The following MVK variants were observed in gnomAD, a reference collection of about 807,000 sequenced individuals.
MVK encodes mevalonate kinase.
A neutral mutation model predicts 43.2 loss-of-function variants in MVK; 34 were observed. That is an observed-to-expected ratio of 0.79 (90% CI 0.60 to 1.05). The LOEUF is 1.05. Among genes scored for constraint, MVK ranks in the 50% least tolerant of loss-of-function variants. MVK has a pLI of 0.00. For synonymous variants in MVK, 190 were observed against 219.8 expected (o/e 0.86, Z 1.20); for missense variants, 395 against 504.0 (o/e 0.78, Z 2.07).
intron 8 of MVK, among the ~76,000 whole-genome samples, 157 bp downstream of exon 8, chr12:109,591,018 C>T (rs867636785): frequency 6.6e-6 from 1 of 152,132 alleles, no homozygotes; most frequent in Admixed American, 6.5e-5. Flanking sequence ...AGGTACCGTC[C>T]GTGCCCGTAG....
intron 7 of MVK, 61 bp from the exon 8 acceptor site, chr12:109,590,710 G>C: frequency 1.3e-6 from 2 of 1,527,628 alleles, no homozygotes; most frequent in Non-Finnish European, 1.8e-6. Context: ...ACTGCTCCCA[G>C]TCCTGTCCCA....
At chr12:109,573,664 GA>G, upstream of MVK, 2 of 730,190 alleles carry the variant, frequency 2.7e-6, no homozygotes, top group Non-Finnish European at 4.7e-6. Flanking sequence ...AGCGGGGCGG[GA>G]AAACCCGTGT....
At chr12:109,596,387 G>A (rs758743124) in intron 10 of MVK, 39 bp from the exon 11 acceptor site, 27 of 1,604,612 alleles carry the variant, frequency 1.7e-5, no homozygotes, top group African/African-American at 4.0e-5. Flanking sequence ...CCCACGGAGC[G>A]GAGAGTTGTC....
chr12:109,591,801 C>T (rs1314190737), intron 9 of MVK, among the ~76,000 whole-genome samples: 2 of 152,234 alleles, frequency 1.3e-5, no homozygotes, highest in African/African-American at 4.8e-5. Context: ...CAGATCCTAA[C>T]ATTGTTTTTT....
rs1885936427 is a variant in MVK at position 109,596,776 on chromosome 12, C to T, written c.*199C>T. On this transcript the variant is annotated 3_prime_UTR_variant, in exon 11 of 11. Coordinates refer to ENST00000228510, the MANE Select transcript of MVK (RefSeq NM_000431.4). ...AGGCATGGTCTGCCCTCTGCATCCT[C>T]TGGAGCCAGCCGAGCAGGAGGCCTA... is the stretch of plus-strand genomic sequence containing the variant. 3.9e-6 allele frequency: 3 copies of T among 766,164 alleles called. No individual in the cohort carries two copies. The Admixed American group carries it at 7.3e-5, about 19-fold the overall frequency. The allele number at this position is 766,164 out of a possible 1,614,324, so 47.5% of individuals were successfully genotyped here.
chr12:109,579,157 TGAG>T, intron 3 of MVK: 2 of 396,404 alleles, frequency 5.0e-6, no homozygotes, highest in South Asian at 3.8e-5. Flanking sequence ...TTTTTTTTTT[TGAG>T]ACAGGGTCTC....
Position 109,595,304 on chromosome 12 carries a change from G to C in MVK, c.1039+123G>C, listed in dbSNP as rs1593031702. The C allele has an allele frequency of 7.8e-7, 1 of 1,276,844 alleles. No individual in the cohort carries two copies. The highest frequency in any genetic ancestry group is 2.4e-5 in the East Asian group (1 of 41,050). The allele number at this position is 1,276,844 out of a possible 1,614,324, so 79.1% of individuals were successfully genotyped here. A position where few individuals can be genotyped will look rare whatever the true frequency, so the allele number is the denominator to read the frequency against. ...GTCTCAGCTCCGCTGTGTGGCCTTG[G>C]GCAAGTTAGTTAACCTCTGGTCTTT... is the stretch of plus-strand genomic sequence containing the variant. On this transcript the variant is annotated intron_variant, in intron 10 of 10. Coordinates refer to ENST00000228510, the MANE Select transcript of MVK (RefSeq NM_000431.4). This position sits in a 1 kb window ranked among gnomAD's most constrained non-coding sequence, Gnocchi z 5.9.
intron 3 of MVK, among the ~76,000 whole-genome samples, chr12:109,576,367 G>T (rs1884956710): frequency 6.6e-6 from 1 of 151,904 alleles, no homozygotes; most frequent in African/African-American, 2.4e-5. Flanking sequence ...GATCATCAAG[G>T]CCTATTGTTG....
At chr12:109,585,299 C>T (rs568465747) in intron 5 of MVK, among the ~76,000 whole-genome samples, 243 of 152,278 alleles carry the variant, frequency 1.6e-3, no homozygotes, top group African/African-American at 5.6e-3. Flanking sequence ...TAAAGGCAGG[C>T]TTGGTTCAGG....
chr12:109,594,845 G>A (rs758633345), intron 9 of MVK, among the ~76,000 whole-genome samples, 183 bp from the exon 10 acceptor site: 32 of 152,232 alleles, frequency 2.1e-4, no homozygotes, highest in Non-Finnish European at 3.1e-4. Context: ...CCCAAGCTCC[G>A]TGAGAAATGC....
chr12:109,597,816 G>C lies in MVK; in HGVS notation c.*1239G>C, dbSNP rs746500717. On this transcript the variant is annotated 3_prime_UTR_variant, in exon 11 of 11. Transcript: ENST00000228510. ...AAAGAGGCCGAGTGGAAAGGTGGGG[G>C]CCGGCGCAGGGATTTCAGGATGAGG... The C allele has an allele frequency of 2.0e-5, 3 of 152,264 alleles. No individual in the cohort carries two copies. Among genetic ancestry groups the C allele is most frequent in the Non-Finnish European group, 1.5e-5 (1 of 68,078 alleles). The allele number at this position is 152,264 out of a possible 1,614,324, so 9.4% of individuals were successfully genotyped here. A position where few individuals can be genotyped will look rare whatever the true frequency, so the allele number is the denominator to read the frequency against.
At position 109,591,221 on chromosome 12, in the gene MVK, T is replaced by G; in HGVS notation, c.769-20T>G. 5 of 1,608,208 alleles carry G rather than the reference T, an allele frequency of 3.1e-6. No individual in the cohort carries two copies. Among genetic ancestry groups the G allele is most frequent in the Non-Finnish European group, 3.4e-6 (4 of 1,174,736 alleles). ...GCCTGCCCCCAGGCCTCACCAGCCG[T>G]TCCTTCTTTTTTTCTCCAGTTCCCA... On this transcript the variant is annotated intron_variant, in intron 8 of 10. Transcript: ENST00000228510.
rs774650183 is a variant in MVK at position 109,581,381 on chromosome 12, C to T, written c.372-14C>T. On this transcript the variant is annotated splice_polypyrimidine_tract_variant and intron_variant, in intron 4 of 10. Coordinates refer to ENST00000228510, the MANE Select transcript of MVK (RefSeq NM_000431.4). The stretch of plus-strand genomic sequence containing the variant: ...CTGCGGGAGAGTCACGTTTCACACC[C>T]TGGTGTGTTTCAGGGCCCTGCCGAG... 3 of 1,613,372 alleles carry T rather than the reference C, an allele frequency of 1.9e-6. No individual in the cohort carries two copies. Among genetic ancestry groups the T allele is most frequent in the Non-Finnish European group, 2.5e-6 (3 of 1,179,984 alleles).
chr12:109,580,780 C>T (rs892004091), intron 4 of MVK, among the ~76,000 whole-genome samples: 2 of 152,188 alleles, frequency 1.3e-5, no homozygotes, highest in African/African-American at 2.4e-5. Context: ...TGTAGCGATT[C>T]GGACCTTTCT....
upstream of MVK, chr12:109,573,729 T>G (rs568934759): frequency 1.8e-6 from 1 of 568,404 alleles, no homozygotes; most frequent in Non-Finnish European, 3.2e-6. Context: ...GTAAAGGTAC[T>G]CCGGGCTCGC....
rs1885848356 is a variant in MVK, at chr12:109,594,924, T to C, written c.886-104T>C. On this transcript the variant is annotated intron_variant, in intron 9 of 10. Transcript: ENST00000228510. ...GCCAGGTAGGCAAAGCCGTTGGCTG[T>C]CTCCAGCCAACAACTGTCAGATGGA... The C allele has an allele frequency of 6.3e-6, 9 of 1,436,282 alleles. No homozygotes were observed. In the South Asian group the frequency reaches 1.0e-4, roughly 17 times the overall value. 89.0% of individuals were successfully genotyped at this position (1,436,282 alleles called of 1,614,324 possible).
intron 2 of MVK, 100 bp downstream of exon 2, chr12:109,575,000 A>G: frequency 8.8e-7 from 1 of 1,133,076 alleles, no homozygotes; most frequent in Non-Finnish European, 1.3e-6. Context: ...GCTTGGGAGC[A>G]GATCAGAGAG....
intron 10 of MVK, 40 bp from the exon 11 acceptor site, chr12:109,596,386 C>T (rs199791409): frequency 1.1e-5 from 17 of 1,602,760 alleles, no homozygotes; most frequent in African/African-American, 9.4e-5. Flanking sequence ...TCCCACGGAG[C>T]GGAGAGTTGT....
At chr12:109,591,817 T>C (rs1339414932) in intron 9 of MVK, among the ~76,000 whole-genome samples, 1 of 152,224 alleles carries the variant, frequency 6.6e-6, no homozygotes, top group Non-Finnish European at 1.5e-5. Flanking sequence ...TTTTTCATCA[T>C]TGCAACCCCA....
Sources: gnomAD v4.1 joint callset for allele counts (sites outside exome capture counted in the v4.1 genomes callset) on GRCh38, gnomAD v4.1.1 for gene constraint, Gnocchi (gnomAD v3.1) non-coding constraint, MANE v1.5 for transcripts, NCBI Gene and HGNC (gene_info 2026-07-23, HGNC 2026-07-21) for gene names.